The following EXT1 variants were observed in gnomAD, a reference collection of about 807,000 sequenced individuals.
EXT1 encodes the protein exostosin-1.
In EXT1, 20 loss-of-function variants were observed where a neutral mutation model predicts 82.5. That is an observed-to-expected ratio of 0.24 (90% CI 0.17 to 0.35). The LOEUF (loss-of-function observed/expected upper bound fraction) is 0.35, where lower values mean the gene tolerates loss of function less well. EXT1 is among the 10% of genes least tolerant of loss of function. The pLI is 1.00. For missense variants in EXT1, 757 were observed against 936.5 expected (o/e 0.81, Z 2.50); for synonymous variants, 348 against 350.8 (o/e 0.99, Z 0.09).
chr8:117,904,030 A>G (rs1411321171), intron 1 of EXT1, among the ~76,000 whole-genome samples: 1 of 152,216 alleles, frequency 6.6e-6, no homozygotes, highest in African/African-American at 2.4e-5. Context: ...TCTTTAATTA[A>G]CTAGAACATA....
At chr8:118,012,099 C>T (rs539356801) in intron 1 of EXT1, among the ~76,000 whole-genome samples, 15 of 152,322 alleles carry the variant, frequency 9.8e-5, no homozygotes, top group Middle Eastern at 3.4e-3. Flanking sequence ...TGTCTCCTTT[C>T]TTTAAAGTGC....
At chr8:118,007,398 A>G (rs1815803187) in intron 1 of EXT1, among the ~76,000 whole-genome samples, 1 of 152,188 alleles carries the variant, frequency 6.6e-6, no homozygotes, top group Non-Finnish European at 1.5e-5. Context: ...AGGAACAGTT[A>G]CCACCATCCT....
chr8:117,806,040 T>C (rs1036854568), intron 9 of EXT1, among the ~76,000 whole-genome samples: 4 of 152,218 alleles, frequency 2.6e-5, no homozygotes, highest in African/African-American at 9.6e-5. Context: ...TCAAAAGACT[T>C]GGAGTCATCA....
At chr8:117,827,945 A>G (rs1436273942) in intron 4 of EXT1, among the ~76,000 whole-genome samples, 1 of 152,072 alleles carries the variant, frequency 6.6e-6, no homozygotes, top group Non-Finnish European at 1.5e-5. Context: ...TAAAGGAAAA[A>G]AGCCAGAAAC....
chr8:118,039,614 G>A (rs573829322), intron 1 of EXT1, among the ~76,000 whole-genome samples: 17 of 148,024 alleles, frequency 1.1e-4, no homozygotes, highest in Middle Eastern at 3.5e-3. Context: ...AAAGACCACC[G>A]ACTGGTACTA....
intron 4 of EXT1, 89 bp from the exon 5 acceptor site, chr8:117,822,686 GCAGT>G: frequency 6.7e-7 from 1 of 1,490,460 alleles, no homozygotes; most frequent in East Asian, 2.3e-5. Flanking sequence ...AAAGATGGTG[GCAGT>G]CAGAGTAGTG....
chr8:117,867,275 C>G (rs957259075), intron 1 of EXT1, among the ~76,000 whole-genome samples: 5 of 68,508 alleles, frequency 7.3e-5, no homozygotes, highest in South Asian at 4.7e-4. Flanking sequence ...AAAAAAAAAG[C>G]TTGAGGAAAT....
chr8:118,017,635 C>T (rs1242912654), intron 1 of EXT1, among the ~76,000 whole-genome samples: 1 of 152,202 alleles, frequency 6.6e-6, no homozygotes, highest in Non-Finnish European at 1.5e-5. Flanking sequence ...TAGAAAATCT[C>T]CTAATTGGCA....
intron 1 of EXT1, among the ~76,000 whole-genome samples, chr8:117,850,708 C>T (rs530141359): frequency 5.3e-5 from 8 of 152,070 alleles, no homozygotes; most frequent in Non-Finnish European, 1.2e-4. Context: ...ATTTTTAATA[C>T]TTGGGGATAA....
intron 1 of EXT1, among the ~76,000 whole-genome samples, chr8:118,077,394 TTTCCACAGTTA>T (rs2129975457): frequency 6.6e-6 from 1 of 152,372 alleles, no homozygotes; most frequent in Non-Finnish European, 1.5e-5. Flanking sequence ...AAAAACTGTA[TTTCCACAGTTA>T]TTGCACCATA....
intron 1 of EXT1, among the ~76,000 whole-genome samples, chr8:117,949,183 T>C (rs1407710026): frequency 1.3e-5 from 2 of 152,202 alleles, no homozygotes; most frequent in African/African-American, 2.4e-5. Flanking sequence ...GTTCCCAATT[T>C]TGTAATCCTT....
At chr8:117,898,537 G>A (rs1185627389) in intron 1 of EXT1, among the ~76,000 whole-genome samples, 2 of 152,192 alleles carry the variant, frequency 1.3e-5, no homozygotes, top group Non-Finnish European at 2.9e-5. Context: ...TTCAGCCATT[G>A]TTTAGTTAGA....
intron 1 of EXT1, among the ~76,000 whole-genome samples, chr8:117,919,574 G>A (rs903657875): frequency 2.0e-5 from 3 of 148,120 alleles, no homozygotes; most frequent in East Asian, 4.0e-4. Flanking sequence ...GTGCAAACAC[G>A]GCTAACTGCA....
chr8:118,016,289 T>C (rs1251433820), intron 1 of EXT1, among the ~76,000 whole-genome samples: 2 of 152,036 alleles, frequency 1.3e-5, no homozygotes. Context: ...GCTACTTGGG[T>C]GGGAGAGGCA....
chr8:118,014,364 G>C (rs1296658076), intron 1 of EXT1, among the ~76,000 whole-genome samples: 1 of 152,128 alleles, frequency 6.6e-6, no homozygotes, highest in Non-Finnish European at 1.5e-5. Flanking sequence ...TGGTCTGCCT[G>C]GTTGTGATAA....
chr8:117,948,320 CAA>C (rs34394392), intron 1 of EXT1, among the ~76,000 whole-genome samples: 129 of 51,886 alleles, frequency 2.5e-3, no homozygotes, highest in African/African-American at 6.1e-3. Flanking sequence ...CTGCCCTTGC[CAA>C]AAAAAAAAAA....
intron 1 of EXT1, among the ~76,000 whole-genome samples, chr8:117,949,659 T>A (rs1814455281): frequency 6.6e-6 from 1 of 151,836 alleles, no homozygotes; most frequent in Admixed American, 6.6e-5. Context: ...TAAGTAATAA[T>A]ATGATGGAAA....
intron 1 of EXT1, among the ~76,000 whole-genome samples, chr8:117,970,040 C>G (rs1297961887): frequency 6.6e-6 from 1 of 152,206 alleles, no homozygotes; most frequent in East Asian, 1.9e-4. Flanking sequence ...TACTTCAACC[C>G]TCTAAACCAC....
At chr8:118,089,557 A>G (rs1817485827) in intron 1 of EXT1, among the ~76,000 whole-genome samples, 1 of 152,234 alleles carries the variant, frequency 6.6e-6, no homozygotes, top group Non-Finnish European at 1.5e-5. Context: ...CAAGGTGGTT[A>G]TGGGAAACAA....
Sources: allele counts gnomAD v4.1 joint callset (sites outside exome capture counted in the v4.1 genomes callset), GRCh38; gene constraint gnomAD v4.1.1; transcripts MANE v1.5; gene names NCBI Gene and HGNC (gene_info 2026-07-23, HGNC 2026-07-21).